The following XIRP2 variants were observed in gnomAD, a reference collection of about 807,000 sequenced individuals.
XIRP2 encodes xin actin binding repeat containing 2, also known as xin actin-binding repeat-containing protein 2.
In XIRP2, 236 loss-of-function variants were observed where a neutral mutation model predicts 277.0. The observed-to-expected ratio is 0.85, with a 90% CI of 0.77 to 0.95. The LOEUF (loss-of-function observed/expected upper bound fraction) is 0.95. XIRP2 is among the 40% of genes least tolerant of loss of function. The pLI is 0.00. For missense variants in XIRP2, 4,640 were observed against 4,157.5 expected, an observed-to-expected ratio of 1.12 and a Z score of -3.19; for synonymous variants, 1,490 against 1,416.5, an observed-to-expected ratio of 1.05 and a Z score of -1.17.
intron 2 of XIRP2, among the ~76,000 whole-genome samples, chr2:167,070,676 T>C (rs1689415203): frequency 6.6e-6 from 1 of 152,086 alleles, no homozygotes; most frequent in African/African-American, 2.4e-5. Flanking sequence ...CTTTTATGAG[T>C]TTTTGTTATA....
At chr2:167,177,874 A>G (rs1300490016) in intron 3 of XIRP2, among the ~76,000 whole-genome samples, 1 of 152,062 alleles carries the variant, frequency 6.6e-6, no homozygotes, top group Non-Finnish European at 1.5e-5. Context: ...GAGATTATTG[A>G]TTGCATCGTT....
At chr2:166,958,823 T>G (rs889562714) in intron 2 of XIRP2, among the ~76,000 whole-genome samples, 1 of 151,856 alleles carries the variant, frequency 6.6e-6, no homozygotes, top group African/African-American at 2.4e-5. Context: ...TATCTTACAA[T>G]TTGAATAATC....
At chr2:167,020,406 C>T (rs1687948640) in intron 2 of XIRP2, among the ~76,000 whole-genome samples, 1 of 151,978 alleles carries the variant, frequency 6.6e-6, no homozygotes, top group Admixed American at 6.6e-5. Context: ...CCACCATCAA[C>T]AAACACCACA....
At chr2:167,070,126 C>A (rs1558968289) in intron 2 of XIRP2, among the ~76,000 whole-genome samples, 1 of 151,786 alleles carries the variant, frequency 6.6e-6, no homozygotes, top group Non-Finnish European at 1.5e-5. Context: ...CTTCATTCTA[C>A]CTCTCTGAAC....
At chr2:167,064,787 G>C (rs1689261720) in intron 2 of XIRP2, among the ~76,000 whole-genome samples, 1 of 151,870 alleles carries the variant, frequency 6.6e-6, no homozygotes, top group South Asian at 2.1e-4. Flanking sequence ...AATTCACTTA[G>C]TACAATTTTC....
intron 2 of XIRP2, among the ~76,000 whole-genome samples, chr2:166,970,399 T>C (rs542648897): frequency 3.3e-5 from 5 of 152,114 alleles, no homozygotes; most frequent in African/African-American, 1.2e-4. Context: ...GCAAGATTTC[T>C]TATAGTTTTG....
At chr2:166,994,684 C>G (rs1260019046) in intron 2 of XIRP2, among the ~76,000 whole-genome samples, 3 of 128,216 alleles carry the variant, frequency 2.3e-5, no homozygotes, top group Non-Finnish European at 4.9e-5. Context: ...ATTCCTCAGT[C>G]TATCAAAAAA....
intron 2 of XIRP2, among the ~76,000 whole-genome samples, chr2:167,040,082 G>C (rs922678391): frequency 3.3e-5 from 5 of 152,028 alleles, no homozygotes; most frequent in Non-Finnish European, 7.4e-5. Flanking sequence ...AGATTATCAT[G>C]ATTCTTTCAA....
At chr2:166,959,006 A>G (rs1457187475) in intron 2 of XIRP2, among the ~76,000 whole-genome samples, 2 of 151,716 alleles carry the variant, frequency 1.3e-5, no homozygotes, top group Non-Finnish European at 2.9e-5. Context: ...ACATCCCATA[A>G]TGCTTTGCCT....
chr2:167,139,214 G>C (rs903514588), intron 3 of XIRP2, among the ~76,000 whole-genome samples: 1 of 151,882 alleles, frequency 6.6e-6, no homozygotes, highest in African/African-American at 2.4e-5. Context: ...TGATCTAGAT[G>C]TATGTAGAAT....
intron 10 of XIRP2, among the ~76,000 whole-genome samples, chr2:167,254,513 A>G (rs1668006281): frequency 2.0e-5 from 3 of 152,036 alleles, no homozygotes; most frequent in South Asian, 4.1e-4. Context: ...GTTAAGGTCT[A>G]GATCATAAGT....
At chr2:167,224,631 T>G (rs1419059906) in intron 5 of XIRP2, among the ~76,000 whole-genome samples, 6 of 152,140 alleles carry the variant, frequency 3.9e-5, no homozygotes, top group Non-Finnish European at 8.8e-5. Context: ...TAATAACAGG[T>G]CATTTTAAGA....
intron 2 of XIRP2, among the ~76,000 whole-genome samples, chr2:167,006,568 T>C (rs943110937): frequency 9.2e-5 from 14 of 151,784 alleles, no homozygotes; most frequent in African/African-American, 3.4e-4. Flanking sequence ...ATGGGGGTGT[T>C]CAGCTGCCTG....
chr2:166,903,538 G>A lies in XIRP2; in HGVS notation c.56G>A (p.Cys19Tyr), dbSNP rs753852509. 1 of 1,613,554 alleles carries A rather than the reference G, an allele frequency of 6.2e-7. No individual in the cohort carries two copies. The highest frequency in any genetic ancestry group is 8.5e-7 in the Non-Finnish European group (1 of 1,179,730). ...LNLLRQKWES[C>Y]DYQRSECHPR... ...CTCCTGAGGCAGAAATGGGAATCTT[G>A]TGATTATCAGAGAAGTGAGTGTCAT... The change falls in exon 2 of 11, where the codon TGT becomes TAT. Residue 19 changes from cysteine (C) to tyrosine (Y), a missense_variant. Transcript: ENST00000409195.
At chr2:166,926,435 T>C (rs928349868) in intron 2 of XIRP2, among the ~76,000 whole-genome samples, 2 of 152,136 alleles carry the variant, frequency 1.3e-5, no homozygotes, top group Non-Finnish European at 2.9e-5. Flanking sequence ...CATTTCACTG[T>C]TGCCATTAAA....
At chr2:167,136,317 G>A (rs1273223935) in intron 3 of XIRP2, among the ~76,000 whole-genome samples, 1 of 152,104 alleles carries the variant, frequency 6.6e-6, no homozygotes, top group Non-Finnish European at 1.5e-5. Context: ...AGCATTTTCA[G>A]TATTAGAGGT....
intron 2 of XIRP2, among the ~76,000 whole-genome samples, chr2:167,029,364 A>G (rs964360450): frequency 2.6e-5 from 4 of 152,040 alleles, no homozygotes; most frequent in African/African-American, 9.7e-5. Flanking sequence ...CTCTTATTAT[A>G]TTCAGATACG....
At chr2:166,956,949 A>G (rs939783404) in intron 2 of XIRP2, among the ~76,000 whole-genome samples, 1 of 151,836 alleles carries the variant, frequency 6.6e-6, no homozygotes, top group Non-Finnish European at 1.5e-5. Context: ...GTTAGAATGG[A>G]TATTGAATAA....
At chr2:166,923,977 A>G (rs1685122063) in intron 2 of XIRP2, among the ~76,000 whole-genome samples, 1 of 152,060 alleles carries the variant, frequency 6.6e-6, no homozygotes, top group Non-Finnish European at 1.5e-5. Context: ...CCAAGCTTAT[A>G]TGTGACAAGG....
Sources: allele counts gnomAD v4.1 joint callset (sites outside exome capture counted in the v4.1 genomes callset), GRCh38; gene constraint gnomAD v4.1.1; transcripts MANE v1.5; gene names NCBI Gene and HGNC (gene_info 2026-07-23, HGNC 2026-07-21).